Variants in TRIP12 observed in about 807,000 individuals in gnomAD.
TRIP12 encodes the protein thyroid hormone receptor interactor 12, also known as E3 ubiquitin-protein ligase TRIP12.
A neutral mutation model predicts 244.2 loss-of-function variants in TRIP12; 25 were observed. The observed-to-expected ratio is 0.10, with a 90% confidence interval of 0.07 to 0.14. TRIP12 has a LOEUF of 0.14. Among genes scored for constraint, TRIP12 ranks in the 10% least tolerant of loss-of-function variants. The pLI is 1.00. For synonymous variants in TRIP12, 905 were observed against 873.1 expected, an observed-to-expected ratio of 1.04 and a Z score of -0.64; for missense variants, 1,677 against 2,486.4, an observed-to-expected ratio of 0.67 and a Z score of 6.92.
In TRIP12 at chr2:229,799,066, G is replaced by C. The variant is rs761623912; in HGVS notation, c.3308-17C>G. On this transcript the variant is annotated splice_polypyrimidine_tract_variant and intron_variant, in intron 22 of 41. Transcript: ENST00000675903. Reference sequence around the variant, plus strand: ...GGCTTTTAGCTATGAAAAGAAAAAAGAACTACAGTTAAGTCATTTTAGTTT... The same window carrying C: ...GGCTTTTAGCTATGAAAAGAAAAAACAACTACAGTTAAGTCATTTTAGTTT... 5 of 1,612,364 alleles carry C rather than the reference G, an allele frequency of 3.1e-6. No homozygotes were observed. The highest frequency in any genetic ancestry group is 4.2e-6 in the Non-Finnish European group (5 of 1,179,614).
intron 19 of TRIP12, 72 bp downstream of exon 19, chr2:229,803,927 C>T (rs2045162370): frequency 1.5e-6 from 2 of 1,359,278 alleles, no homozygotes; most frequent in Admixed American, 2.6e-5. Flanking sequence ...TCTATTATTA[C>T]TTTAGAGGTT....
intron 5 of TRIP12, among the ~76,000 whole-genome samples, chr2:229,839,979 A>T (rs1475161924): frequency 6.6e-6 from 1 of 152,222 alleles, no homozygotes; most frequent in East Asian, 1.9e-4. Context: ...TTCTTGAGCG[A>T]AAGGTGTTAT....
chr2:229,858,316 C>T (rs192063348), intron 4 of TRIP12, among the ~76,000 whole-genome samples: 1 of 152,218 alleles, frequency 6.6e-6, no homozygotes, highest in Admixed American at 6.5e-5. Context: ...TGAGCCGAGA[C>T]TGCGCCACTG....
chr2:229,781,675 C>G (rs1285742971), intron 34 of TRIP12, among the ~76,000 whole-genome samples: 1 of 152,176 alleles, frequency 6.6e-6, no homozygotes, highest in Non-Finnish European at 1.5e-5. Flanking sequence ...CCAATCATCC[C>G]AATTCAAATA....
chr2:229,820,254 T>C (rs488007), intron 8 of TRIP12, among the ~76,000 whole-genome samples: 8,364 of 151,962 alleles, frequency 0.055, 305 homozygotes, highest in Non-Finnish European at 0.091. Flanking sequence ...CTTATAACCA[T>C]TGGGGTTGGC....
chr2:229,858,953 G>A lies in TRIP12; in HGVS notation c.846C>T (p.Pro282=). Residue 282 remains proline (P), a synonymous_variant, in exon 4 of 42, where the codon CCC becomes CCT. Coordinates refer to ENST00000675903, the MANE Select transcript of TRIP12 (RefSeq NM_001348323.3). ...TTTCCCTGCTACTTCTTCTGGGGCTGGGACTGGACGCTGAACGGGAACGCC... is the reference window on the plus strand; with the variant it reads ...TTTCCCTGCTACTTCTTCTGGGGCTAGGACTGGACGCTGAACGGGAACGCC... The part of the protein sequence containing the change: ...KARRSRSASS[P]SPRRSSREKE... 6.2e-7 allele frequency: 1 copy of A among 1,614,174 alleles called. No homozygotes were observed. Among genetic ancestry groups the A allele is most frequent in the Non-Finnish European group, 8.5e-7 (1 of 1,180,030 alleles).
In TRIP12 at chr2:229,764,464, C is replaced by T. The variant is rs2031197634; in HGVS notation, c.*3090G>A. The T allele has an allele frequency of 6.6e-6, 1 of 152,178 alleles. No homozygotes were observed. The highest frequency in any genetic ancestry group is 1.5e-5 in the Non-Finnish European group (1 of 68,030). 9.4% of individuals were successfully genotyped at this position (152,178 alleles called of 1,614,324 possible). ...AATGAACAATAGCATCCAGAATCCT[C>T]CAAAAAGGATTTGGCATATGAATGC... On this transcript the variant is annotated 3_prime_UTR_variant, in exon 42 of 42. Coordinates refer to ENST00000675903, the MANE Select transcript of TRIP12 (RefSeq NM_001348323.3).
At chr2:229,777,947 C>A (rs1194145061) in intron 36 of TRIP12, among the ~76,000 whole-genome samples, 3 of 152,062 alleles carry the variant, frequency 2.0e-5, no homozygotes, top group Non-Finnish European at 4.4e-5. Flanking sequence ...CTGCTTGAGG[C>A]CAGAAGTTCA....
intron 12 of TRIP12, 99 bp downstream of exon 12, chr2:229,814,134 T>C: frequency 2.0e-6 from 3 of 1,532,114 alleles, no homozygotes; most frequent in South Asian, 2.4e-5. Flanking sequence ...AAACAACATT[T>C]GTATCTTACA....
At chr2:229,799,419 T>G in intron 21 of TRIP12, 36 bp from the exon 22 acceptor site, 2 of 1,563,416 alleles carry the variant, frequency 1.3e-6, no homozygotes, top group African/African-American at 2.7e-5. Context: ...GTTTAGCAAT[T>G]ACCACTGTTT....
At chr2:229,922,890 T>A (rs1241196953), upstream of TRIP12, among the ~76,000 whole-genome samples, 1 of 151,888 alleles carries the variant, frequency 6.6e-6, no homozygotes, top group Non-Finnish European at 1.5e-5. Context: ...ACCCGTAGAG[T>A]TTCCTCCGCG....
At chr2:229,919,508 G>A (rs1259528231) in intron 1 of TRIP12, among the ~76,000 whole-genome samples, 1 of 151,678 alleles carries the variant, frequency 6.6e-6, no homozygotes, top group African/African-American at 2.4e-5. Flanking sequence ...TGATTTTACC[G>A]TGATCTACCT....
At chr2:229,861,952 T>G (rs1024319664) in intron 2 of TRIP12, among the ~76,000 whole-genome samples, 6 of 152,312 alleles carry the variant, frequency 3.9e-5, no homozygotes, top group Middle Eastern at 3.4e-3. Flanking sequence ...CTTTTAGTAA[T>G]GAAAGGACAC....
chr2:229,912,398 A>T (rs1354077629), intron 1 of TRIP12, among the ~76,000 whole-genome samples: 2 of 152,164 alleles, frequency 1.3e-5, no homozygotes, highest in African/African-American at 2.4e-5. Context: ...CATTCAACAT[A>T]ATCTGTTAAA....
intron 1 of TRIP12, among the ~76,000 whole-genome samples, chr2:229,883,610 T>G (rs1214976245): frequency 6.6e-6 from 1 of 152,190 alleles, no homozygotes; most frequent in Non-Finnish European, 1.5e-5. Flanking sequence ...TCTGTAAAAC[T>G]AATCAAGATT....
chr2:229,776,701 C>CA (rs1438639574), intron 37 of TRIP12, among the ~76,000 whole-genome samples: 2 of 151,848 alleles, frequency 1.3e-5, no homozygotes, highest in Non-Finnish European at 2.9e-5. Context: ...GTCTGTGCCA[C>CA]AAAAAAATAG....
At chr2:229,870,657 A>C (rs572266944) in intron 2 of TRIP12, among the ~76,000 whole-genome samples, 2 of 152,258 alleles carry the variant, frequency 1.3e-5, no homozygotes, top group African/African-American at 4.8e-5. Context: ...AAATTACTAA[A>C]GAAGGAAATT....
chr2:229,793,910 A>T (rs2042165611), intron 26 of TRIP12, among the ~76,000 whole-genome samples: 1 of 152,076 alleles, frequency 6.6e-6, no homozygotes, highest in African/African-American at 2.4e-5. Flanking sequence ...GTGGCCCAAG[A>T]CAATTCATCT....
intron 1 of TRIP12, among the ~76,000 whole-genome samples, chr2:229,888,134 A>T (rs1228491347): frequency 6.6e-6 from 1 of 152,238 alleles, no homozygotes; most frequent in Non-Finnish European, 1.5e-5. Context: ...TTAACTTTAG[A>T]AAATTATACA....
Sources: gnomAD v4.1 joint callset for allele counts (sites outside exome capture counted in the v4.1 genomes callset) on GRCh38, gnomAD v4.1.1 for gene constraint, MANE v1.5 for transcripts, NCBI Gene and HGNC (gene_info 2026-07-23, HGNC 2026-07-21) for gene names.